The following UBR1 variants were observed in gnomAD, a reference collection of about 807,000 sequenced individuals.
The protein encoded by UBR1 is E3 ubiquitin-protein ligase UBR1.
A neutral mutation model predicts 242.1 loss-of-function variants in UBR1; 102 were observed. That is an observed-to-expected ratio of 0.42 (90% CI 0.36 to 0.50). UBR1 has a LOEUF of 0.50. Among genes scored for constraint, UBR1 ranks in the 20% least tolerant of loss-of-function variants. UBR1 has a pLI of 0.01. For synonymous variants in UBR1, 675 were observed against 684.8 expected, an observed-to-expected ratio of 0.99 and a Z score of 0.22; for missense variants, 1,772 against 2,101.8, an observed-to-expected ratio of 0.84 and a Z score of 3.07.
chr15:43,097,370 G>C (rs761093443), intron 1 of UBR1, among the ~76,000 whole-genome samples: 2 of 152,000 alleles, frequency 1.3e-5, no homozygotes, highest in Non-Finnish European at 1.5e-5. Context: ...AAGTATTCTT[G>C]GATTTTCTGA....
At chr15:43,074,898 T>C in intron 4 of UBR1, 81 bp downstream of exon 4, 1 of 1,174,718 alleles carries the variant, frequency 8.5e-7, no homozygotes. Flanking sequence ...CTAACTGGAA[T>C]CTATACACAT....
At chr15:43,021,091 A>C in intron 27 of UBR1, 184 bp downstream of exon 27, 1 of 534,752 alleles carries the variant, frequency 1.9e-6, no homozygotes. Flanking sequence ...AAAATGAATA[A>C]ATCTTAGTTT....
chr15:42,957,465 G>C (rs2031941931), intron 44 of UBR1, among the ~76,000 whole-genome samples: 1 of 152,176 alleles, frequency 6.6e-6, no homozygotes, highest in African/African-American at 2.4e-5. Context: ...TACATTAAAT[G>C]CCACTGAACT....
intron 23 of UBR1, 182 bp from the exon 24 acceptor site, chr15:43,025,611 A>C: frequency 1.7e-6 from 1 of 585,516 alleles, no homozygotes; most frequent in Non-Finnish European, 3.0e-6. Flanking sequence ...TGCAAAATAG[A>C]TGAGGAATAT....
At position 43,075,103 on chromosome 15, in the gene UBR1, A is replaced by T; in HGVS notation, c.418-14T>A. ...AGAAGTATGCATCTGATAAAGGAAA[A>T]ATGAGTTTGTCTTGATTTCAAACAT... On this transcript the variant is annotated splice_polypyrimidine_tract_variant and intron_variant, in intron 3 of 46. Transcript: ENST00000290650. 1 of 1,586,576 alleles carries T rather than the reference A, an allele frequency of 6.3e-7. No homozygotes were observed. Among genetic ancestry groups the T allele is most frequent in the Non-Finnish European group, 8.7e-7 (1 of 1,154,902 alleles).
At chr15:43,020,765 C>T (rs1223536700) in intron 27 of UBR1, among the ~76,000 whole-genome samples, 2 of 152,216 alleles carry the variant, frequency 1.3e-5, no homozygotes, top group African/African-American at 4.8e-5. Flanking sequence ...CTGGCCACCA[C>T]AGAGCTTTTG....
At chr15:42,949,691 C>T (rs932140653) in intron 46 of UBR1, among the ~76,000 whole-genome samples, 3 of 150,572 alleles carry the variant, frequency 2.0e-5, no homozygotes, top group African/African-American at 4.9e-5. Context: ...CCCAGCTACT[C>T]GGGAGGCTGA....
Position 43,056,431 on chromosome 15 carries a change from T to G in UBR1, c.1194A>C (p.Gln398His). Residue 398 changes from glutamine (Q) to histidine (H), a missense_variant, in exon 11 of 47, where the codon CAA becomes CAC. Physicochemically the swap from Gln to His is conservative, Grantham distance 24. Coordinates refer to ENST00000290650, the MANE Select transcript of UBR1 (RefSeq NM_174916.3). ...CATCACTGATATATTCTTTCTGCAG[T>G]TGTTTATAATACTGAAATATATAAG... ...FAMEFVKYYK[Q>H]LQKEYISDDH... The G allele has an allele frequency of 6.2e-7, 1 of 1,601,976 alleles. No individual in the cohort carries two copies. Among genetic ancestry groups the G allele is most frequent in the Non-Finnish European group, 8.6e-7 (1 of 1,169,170 alleles).
At position 43,010,713 on chromosome 15, in the gene UBR1, T is replaced by C. The variant is rs1431202006; in HGVS notation, c.3210-3429A>G. Among the ~76,000 whole-genome samples, 3 of 151,600 alleles carry C rather than the reference T, an allele frequency of 2.0e-5. No individual in the cohort carries two copies. The East Asian group carries it at 5.8e-4, about 29-fold the overall frequency. On this transcript the variant is annotated intron_variant, in intron 29 of 46. Coordinates refer to ENST00000290650, the MANE Select transcript of UBR1 (RefSeq NM_174916.3). Reference sequence around the variant, plus strand: ...TTGGCTGGGCACACTAGCTCACGCCTTGTAATCCCAGCACTCTGGGAGGCT... The same window carrying C: ...TTGGCTGGGCACACTAGCTCACGCCCTGTAATCCCAGCACTCTGGGAGGCT...
At chr15:42,969,164 T>C (rs1452690989) in intron 40 of UBR1, among the ~76,000 whole-genome samples, 3 of 152,196 alleles carry the variant, frequency 2.0e-5, no homozygotes, top group African/African-American at 7.2e-5. Flanking sequence ...TTTCTCCACA[T>C]CCTCTCCAGC....
chr15:43,058,512 A>C, intron 9 of UBR1, 83 bp from the exon 10 acceptor site: 2 of 858,250 alleles, frequency 2.3e-6, no homozygotes, highest in Middle Eastern at 2.3e-4. Context: ...TTAGAGTGGC[A>C]GAATATTATA....
intron 33 of UBR1, among the ~76,000 whole-genome samples, chr15:42,997,896 C>G (rs2032664566): frequency 6.6e-6 from 1 of 152,062 alleles, no homozygotes; most frequent in African/African-American, 2.4e-5. Context: ...AATCTTGGAT[C>G]TAAGATTTAA....
intron 29 of UBR1, among the ~76,000 whole-genome samples, chr15:43,007,633 T>C (rs1227366522): frequency 6.6e-6 from 1 of 151,892 alleles, no homozygotes; most frequent in African/African-American, 2.4e-5. Context: ...TATAATAGTA[T>C]AAAAAAGTGT....
intron 12 of UBR1, among the ~76,000 whole-genome samples, chr15:43,054,076 G>T (rs898840253): frequency 6.6e-6 from 1 of 152,168 alleles, no homozygotes; most frequent in Non-Finnish European, 1.5e-5. Context: ...ACAGCCAGCC[G>T]CAGTAGCTCA....
intron 1 of UBR1, among the ~76,000 whole-genome samples, chr15:43,099,657 C>T (rs1230747432): frequency 2.6e-5 from 4 of 152,114 alleles, no homozygotes; most frequent in Non-Finnish European, 4.4e-5. Context: ...AGTGTCTTCT[C>T]ATTCATTCAT....
intron 46 of UBR1, 49 bp downstream of exon 46, chr15:42,950,213 A>G (rs1348690643): frequency 3.4e-6 from 5 of 1,453,366 alleles, no homozygotes; most frequent in Non-Finnish European, 4.8e-6. Context: ...AACAATCAAC[A>G]TAAAAGAGAA....
chr15:42,951,135 G>A (rs2031826206), intron 45 of UBR1, among the ~76,000 whole-genome samples: 1 of 152,204 alleles, frequency 6.6e-6, no homozygotes. Flanking sequence ...GTTACATGAG[G>A]AGAGTGGAAA....
intron 4 of UBR1, among the ~76,000 whole-genome samples, chr15:43,072,460 C>T (rs993849827): frequency 1.3e-5 from 2 of 152,172 alleles, no homozygotes; most frequent in African/African-American, 4.8e-5. Flanking sequence ...TACAAAATCA[C>T]GTCCTCTGCA....
At chr15:43,099,859 AG>A (rs1324129139) in intron 1 of UBR1, among the ~76,000 whole-genome samples, 9 of 151,930 alleles carry the variant, frequency 5.9e-5, no homozygotes, top group Non-Finnish European at 1.2e-4. Flanking sequence ...AGGGTGCTAT[AG>A]GAACACACAA....
Sources: gnomAD v4.1 joint callset for allele counts (sites outside exome capture counted in the v4.1 genomes callset) on GRCh38, gnomAD v4.1.1 for gene constraint, MANE v1.5 for transcripts, NCBI Gene and HGNC (gene_info 2026-07-23, HGNC 2026-07-21) for gene names.